The following ETV5 variants were observed in gnomAD, a reference collection of about 807,000 sequenced individuals.
The protein encoded by ETV5 is ETS translocation variant 5.
In ETV5, 10 loss-of-function variants were observed where a neutral mutation model predicts 70.0. The ratio of observed to expected loss-of-function variants is 0.14; its 90% CI spans 0.09 to 0.24. ETV5 has a LOEUF of 0.24. Among genes scored for constraint, ETV5 ranks in the 10% least tolerant of loss-of-function variants. The probability of loss-of-function intolerance (pLI) is 1.00; values close to 1 mark genes in which losing one functional copy is unlikely to be tolerated. For synonymous variants in ETV5, 216 were observed against 242.2 expected (o/e 0.89, Z 1.01); for missense variants, 453 against 651.2 (o/e 0.70, Z 3.31).
At chr3:186,106,781 T>A (rs555878992) in intron 1 of ETV5, among the ~76,000 whole-genome samples, 8 of 152,118 alleles carry the variant, frequency 5.3e-5, no homozygotes, top group African/African-American at 1.9e-4. Context: ...GGTAAGTGTG[T>A]GAGTCTGGGG....
chr3:186,100,137 G>A (rs1319014953), intron 5 of ETV5, among the ~76,000 whole-genome samples: 4 of 152,160 alleles, frequency 2.6e-5, no homozygotes, highest in South Asian at 2.1e-4. Context: ...GTAAGGTACT[G>A]GGCTAACTAA....
At chr3:186,106,955 A>C in intron 1 of ETV5, 2 of 985,068 alleles carry the variant, frequency 2.0e-6, no homozygotes, top group Non-Finnish European at 2.4e-6. Context: ...CTCCAGCTCT[A>C]AGCAATTCAA....
intron 1 of ETV5, among the ~76,000 whole-genome samples, chr3:186,107,421 G>A (rs1045065748): frequency 1.3e-5 from 2 of 152,168 alleles, no homozygotes; most frequent in African/African-American, 4.8e-5. Flanking sequence ...TTTTGTGAAT[G>A]TGTTAGGAGG....
At chr3:186,073,271 C>T (rs1366255631) in intron 7 of ETV5, among the ~76,000 whole-genome samples, 2 of 152,148 alleles carry the variant, frequency 1.3e-5, no homozygotes, top group Admixed American at 6.5e-5. Flanking sequence ...AAGGAAGTGT[C>T]CTTTAGTATA....
rs148769164 is a variant in ETV5, at chr3:186,096,874, T to C, written c.232+8431A>G. Among the ~76,000 whole-genome samples the C allele has an allele frequency of 1.5e-3, 230 of 152,050 alleles. 1 individual carries two copies. Among genetic ancestry groups the C allele is most frequent in the African/African-American group, 5.4e-3 (223 of 41,460 alleles). On this transcript the variant is annotated intron_variant, in intron 5 of 12. Transcript: ENST00000306376. ...TGCCGGTGAGCTACCAGGTAAGATG[T>C]TGGAGGATGTTTAAGTGTGGAAGCA...
At chr3:186,050,968 G>C (rs1713014325) in intron 12 of ETV5, among the ~76,000 whole-genome samples, 1 of 152,204 alleles carries the variant, frequency 6.6e-6, no homozygotes, top group Non-Finnish European at 1.5e-5. Flanking sequence ...TAATGTACAT[G>C]CATGTAACAT....
At chr3:186,051,818 C>A (rs571036210) in intron 12 of ETV5, among the ~76,000 whole-genome samples, 1 of 152,296 alleles carries the variant, frequency 6.6e-6, no homozygotes, top group East Asian at 1.9e-4. Flanking sequence ...CATGCAACTT[C>A]TAGTTTCCAC....
At position 186,057,901 on chromosome 3, in the gene ETV5, A is replaced by C. The variant is rs894084192; in HGVS notation, c.971-410T>G. Reference sequence around the variant, plus strand: ...AGACCTGCCATTTTCCTTTTAGCTAAAATTAATTTCAACCTTTCCTACTAA... The same window carrying C: ...AGACCTGCCATTTTCCTTTTAGCTACAATTAATTTCAACCTTTCCTACTAA... On this transcript the variant is annotated intron_variant, in intron 9 of 12. Coordinates refer to ENST00000306376, the MANE Select transcript of ETV5 (RefSeq NM_004454.3). This position sits in a 1 kb window ranked among gnomAD's most constrained non-coding sequence, Gnocchi z 4.9. Among the ~76,000 whole-genome samples, 1 of 152,174 alleles carries C rather than the reference A, an allele frequency of 6.6e-6. No homozygotes were observed. Among genetic ancestry groups the C allele is most frequent in the Admixed American group, 6.5e-5 (1 of 15,272 alleles).
chr3:186,084,548 C>T (rs78591369), intron 5 of ETV5, among the ~76,000 whole-genome samples: 2 of 152,164 alleles, frequency 1.3e-5, no homozygotes, highest in African/African-American at 4.8e-5. Flanking sequence ...GCCTATGATG[C>T]TAAGCAAAAC....
rs199529766 is a variant in ETV5 at position 186,065,833 on chromosome 3, C to T, written c.890G>A (p.Arg297Gln). Residue 297 changes from arginine to glutamine, a missense_variant, in exon 8 of 13, where the codon CGG (arginine) becomes CAG (glutamine). By Grantham distance (43) the Arg-to-Gln change is conservative. Transcript: ENST00000306376. ...QSPMGIKQEP[R>Q]DYCVDSEVPN... ...CTGACCTGAATCGACGCAGTAATCC[C>T]GAGGCTCCTGCTTGATTCCCATTGG... 113 of 1,613,962 alleles carry T rather than the reference C, an allele frequency of 7.0e-5. No individual in the cohort carries two copies. The highest frequency in any genetic ancestry group is 5.8e-5 in the Non-Finnish European group (68 of 1,180,018).
chr3:186,059,479 G>A (rs750121212), intron 9 of ETV5, among the ~76,000 whole-genome samples: 1 of 152,120 alleles, frequency 6.6e-6, no homozygotes, highest in Non-Finnish European at 1.5e-5. Flanking sequence ...TCAGCTGTGC[G>A]ATCTTGAATA....
chr3:186,102,966 C>T (rs1390824734), intron 5 of ETV5, among the ~76,000 whole-genome samples: 2 of 152,170 alleles, frequency 1.3e-5, no homozygotes, highest in Non-Finnish European at 2.9e-5. Context: ...CAAAGATGCA[C>T]CACCCACATT....
At chr3:186,100,365 T>C (rs1365851598) in intron 5 of ETV5, among the ~76,000 whole-genome samples, 1 of 152,188 alleles carries the variant, frequency 6.6e-6, no homozygotes, top group Non-Finnish European at 1.5e-5. Flanking sequence ...GATGATCCTT[T>C]TGAATAGAGG....
Position 186,046,830 on chromosome 3 carries a change from A to G in ETV5, c.*1809T>C, listed in dbSNP as rs1387964995. On this transcript the variant is annotated 3_prime_UTR_variant, in exon 13 of 13. Coordinates refer to ENST00000306376, the MANE Select transcript of ETV5 (RefSeq NM_004454.3). ...AGAAAGCTATAAATATGGTTTAGAA[A>G]GAGTCCTTTGATTAGAGTACAATGC... 8.6e-6 allele frequency: 2 copies of G among 232,274 alleles called. No individual in the cohort carries two copies. Among genetic ancestry groups the G allele is most frequent in the Non-Finnish European group, 8.5e-6 (1 of 117,206 alleles). 14.4% of individuals were successfully genotyped at this position (232,274 alleles called of 1,614,324 possible). A position where few individuals can be genotyped will look rare whatever the true frequency, so the allele number is the denominator to read the frequency against.
chr3:186,080,966 C>T, intron 6 of ETV5, 80 bp downstream of exon 6: 2 of 1,500,490 alleles, frequency 1.3e-6, no homozygotes, highest in Middle Eastern at 1.8e-4. Context: ...GTAAGTAACA[C>T]TGGGAAGGAA....
intron 11 of ETV5, among the ~76,000 whole-genome samples, chr3:186,053,052 G>C (rs530958309): frequency 6.6e-6 from 1 of 151,766 alleles, no homozygotes; most frequent in Non-Finnish European, 1.5e-5. Context: ...GAGCATTTTA[G>C]GTCAGTTTTG....
chr3:186,099,200 A>G (rs1714387849), intron 5 of ETV5, among the ~76,000 whole-genome samples: 1 of 152,228 alleles, frequency 6.6e-6, no homozygotes, highest in Non-Finnish European at 1.5e-5. Flanking sequence ...TAATTTATAC[A>G]TACACACTCT....
At chr3:186,070,104 G>A (rs115095886) in intron 7 of ETV5, among the ~76,000 whole-genome samples, 4,376 of 152,266 alleles carry the variant, frequency 0.029, 93 homozygotes, top group Non-Finnish European at 0.044. Flanking sequence ...GAGCCACGGC[G>A]CCCGGCCGAA....
rs1406195319 is a variant in ETV5, at chr3:186,102,563, G to A, written c.232+2742C>T. 2.0e-5 allele frequency among the ~76,000 whole-genome samples: 3 copies of A among 148,248 alleles called. No individual in the cohort carries two copies. In the Admixed American group the frequency reaches 2.1e-4, roughly 10 times the overall value. ...CAGGAGAATTGCTCGAACCTGGGAC[G>A]TGGACATCCCAGTAAGTGGGCCGAG... On this transcript the variant is annotated intron_variant, in intron 5 of 12. Transcript: ENST00000306376.
Sources: allele counts gnomAD v4.1 joint callset (sites outside exome capture counted in the v4.1 genomes callset), GRCh38; gene constraint gnomAD v4.1.1; non-coding constraint Gnocchi (gnomAD v3.1); transcripts MANE v1.5; gene names NCBI Gene and HGNC (gene_info 2026-07-23, HGNC 2026-07-21).